Variants in DRAM1 observed in about 807,000 individuals in gnomAD.
The protein encoded by DRAM1 is DNA damage regulated autophagy modulator 1, also known as DNA damage-regulated autophagy modulator protein 1.
Under a neutral mutation model 28.5 loss-of-function variants are expected in DRAM1, and 25 were observed. That is an observed-to-expected ratio of 0.88 (90% CI 0.64 to 1.23). The LOEUF (loss-of-function observed/expected upper bound fraction) is 1.23. Ranked by LOEUF, DRAM1 falls within the 50% of genes most tolerant of loss-of-function variation. The probability of loss-of-function intolerance (pLI) is 0.00; values close to 1 mark genes in which losing one functional copy is unlikely to be tolerated. For synonymous variants in DRAM1, 113 were observed against 114.2 expected (o/e 0.99, Z 0.07); for missense variants, 249 against 299.2 (o/e 0.83, Z 1.24).
At chr12:101,884,014 A>G (rs368360770) in intron 1 of DRAM1, among the ~76,000 whole-genome samples, 59 of 152,242 alleles carry the variant, frequency 3.9e-4, no homozygotes, top group African/African-American at 1.3e-3. Flanking sequence ...AATAGCATAA[A>G]GTGATATTTC....
intron 5 of DRAM1, among the ~76,000 whole-genome samples, chr12:101,915,379 T>G (rs767091603): frequency 2.0e-4 from 31 of 151,988 alleles, no homozygotes; most frequent in Non-Finnish European, 4.3e-4. Context: ...GAGCGTGGAA[T>G]GTTAAGTAGA....
At chr12:101,894,972 A>G (rs1446465761) in intron 1 of DRAM1, among the ~76,000 whole-genome samples, 1 of 152,062 alleles carries the variant, frequency 6.6e-6, no homozygotes, top group South Asian at 2.1e-4. Context: ...CAAGGCAGGG[A>G]GGCCTGATTT....
chr12:101,893,449 AC>A lies in DRAM1; in HGVS notation c.132-4412del, dbSNP rs371161512. Among the ~76,000 whole-genome samples, 130 of 152,340 alleles carry A rather than the reference AC, an allele frequency of 8.5e-4. 1 individual carries two copies. The highest frequency in any genetic ancestry group is 3.0e-3 in the African/African-American group (124 of 41,578). ...CTCCAGAGCTGGCTGTTAAACACTG[AC>A]CAGCATCTATATTAGTGTTTGCTCC... On this transcript the variant is annotated intron_variant, in intron 1 of 6. Coordinates refer to ENST00000258534, the MANE Select transcript of DRAM1 (RefSeq NM_018370.3).
chr12:101,880,689 A>G (rs988166189), intron 1 of DRAM1, among the ~76,000 whole-genome samples: 4 of 152,204 alleles, frequency 2.6e-5, no homozygotes, highest in African/African-American at 4.8e-5. Flanking sequence ...TGTCAAAGGC[A>G]GGTTTTGAAT....
chr12:101,893,907 C>T (rs1873240242), intron 1 of DRAM1, among the ~76,000 whole-genome samples: 1 of 147,472 alleles, frequency 6.8e-6, no homozygotes, highest in Non-Finnish European at 1.5e-5. Context: ...CTTCCCTTCA[C>T]CTGTATGTTT....
chr12:101,921,465 G>A lies in DRAM1; in HGVS notation c.*205G>A, dbSNP rs1874480756. The A allele has an allele frequency of 1.2e-5, 5 of 405,836 alleles. No individual in the cohort carries two copies. The South Asian group carries it at 2.2e-4, about 18-fold the overall frequency. 25.1% of individuals were successfully genotyped at this position (405,836 alleles called of 1,614,324 possible). The stretch of plus-strand genomic sequence containing the variant: ...ATGTACAGCCTTATGACACTGTAGT[G>A]ATGTTTTTATAATTTTCTAAGTAGA... On this transcript the variant is annotated 3_prime_UTR_variant, in exon 7 of 7. Coordinates refer to ENST00000258534, the MANE Select transcript of DRAM1 (RefSeq NM_018370.3).
intron 5 of DRAM1, among the ~76,000 whole-genome samples, chr12:101,917,665 G>A (rs1352494643): frequency 2.7e-5 from 4 of 145,912 alleles, no homozygotes; most frequent in Middle Eastern, 3.3e-3. Context: ...ATGCACTCCA[G>A]CCTGTGCAAC....
At position 101,877,770 on chromosome 12, in the gene DRAM1, T is replaced by TCGG. The variant is rs199915928; in HGVS notation, c.-5_-3dup. 6,583 of 1,477,438 alleles carry TCGG rather than the reference T, an allele frequency of 4.5e-3. 248 individuals are homozygous for TCGG. In the African/African-American group the frequency reaches 0.082, roughly 19 times the overall value. The allele number at this position is 1,477,438 out of a possible 1,614,324, so 91.5% of individuals were successfully genotyped here. A position where few individuals can be genotyped will look rare whatever the true frequency, so the allele number is the denominator to read the frequency against. ...CGGCCCCGCTGGGCGCAGCACTCCG[T>TCGG]CGGCGGCGGCGGCGGCGCGATGCTG... is the stretch of plus-strand genomic sequence containing the variant. On this transcript the variant is annotated 5_prime_UTR_variant, in exon 1 of 7. Transcript: ENST00000258534. This position sits in a 1 kb window ranked among gnomAD's most constrained non-coding sequence, Gnocchi z 4.1.
chr12:101,877,819 C>T lies in DRAM1; in HGVS notation c.30C>T (p.Phe10=), dbSNP rs752030233. The change falls in exon 1 of 7, where the codon TTC becomes TTT. Residue 10 remains phenylalanine (F), a synonymous_variant. Transcript: ENST00000258534. The surrounding 1 kb of genome is among the most constrained non-coding windows in gnomAD (Gnocchi z 4.1). MLCFLRGMA[F]VPFLLVTWSS... is the part of the protein sequence containing the mutation. The stretch of plus-strand genomic sequence containing the variant: ...TGTGCTTCCTGAGGGGAATGGCTTT[C>T]GTCCCCTTCCTCTTGGTGACCTGGT... 5.2e-6 allele frequency: 8 copies of T among 1,545,184 alleles called. No individual in the cohort carries two copies. The highest frequency in any genetic ancestry group is 7.0e-6 in the Non-Finnish European group (8 of 1,144,120).
chr12:101,883,718 AC>A (rs1274735661), intron 1 of DRAM1, among the ~76,000 whole-genome samples: 1 of 151,778 alleles, frequency 6.6e-6, no homozygotes, highest in African/African-American at 2.4e-5. Flanking sequence ...CAGGCGGATC[AC>A]GAGGTCAAGA....
intron 1 of DRAM1, among the ~76,000 whole-genome samples, chr12:101,896,725 C>A (rs1873388282): frequency 6.6e-6 from 1 of 152,050 alleles, no homozygotes; most frequent in South Asian, 2.1e-4. Flanking sequence ...AATTAATATA[C>A]CCTAGATACC....
chr12:101,901,360 C>T lies in DRAM1; in HGVS notation c.269C>T (p.Pro90Leu). Residue 90 changes from proline (P) to leucine (L), a missense_variant, in exon 3 of 7, where the codon CCT (proline) becomes CTT (leucine). Pro to Leu is a moderately conservative substitution (Grantham distance 98, BLOSUM62 -3). Coordinates refer to ENST00000258534, the MANE Select transcript of DRAM1 (RefSeq NM_018370.3). ...AATCAAACCTGCTATTTCAGCACTC[C>T]TGTTTTTAACTTGGTGTCTTTAGTG... ...KQNQTCYFSTPVFNLVSLVLG... is the reference protein window; with the variant it reads ...KQNQTCYFSTLVFNLVSLVLG... 6.2e-7 allele frequency: 1 copy of T among 1,614,140 alleles called. No individual in the cohort carries two copies. Among genetic ancestry groups the T allele is most frequent in the Non-Finnish European group, 8.5e-7 (1 of 1,180,040 alleles).
At position 101,895,186 on chromosome 12, in the gene DRAM1, G is replaced by GTTTTTTTTTTTTTTTTTTTTTTTTTT. The variant is rs574722379; in HGVS notation, c.132-2672_132-2647dup. Among the ~76,000 whole-genome samples, 7 of 75,734 alleles carry GTTTTTTTTTTTTTTTTTTTTTTTTTT rather than the reference G, an allele frequency of 9.2e-5. 2 individuals are homozygous for GTTTTTTTTTTTTTTTTTTTTTTTTTT. The East Asian group carries it at 2.6e-3, about 29-fold the overall frequency. 49.7% of individuals were successfully genotyped at this position (75,734 alleles called of 152,430 possible). A position where few individuals can be genotyped will look rare whatever the true frequency, so the allele number is the denominator to read the frequency against. On this transcript the variant is annotated intron_variant, in intron 1 of 6. Transcript: ENST00000258534. ...TAATGCTAAATTCGAAACCCTTCAG[G>GTTTTTTTTTTTTTTTTTTTTTTTTTT]TTTTTTTTTTTTTTTTTTTTTTTTT...
intron 1 of DRAM1, among the ~76,000 whole-genome samples, chr12:101,886,004 T>A (rs1486800670): frequency 6.6e-6 from 1 of 152,140 alleles, no homozygotes; most frequent in Admixed American, 6.6e-5. Flanking sequence ...ACAAGATAAT[T>A]TGTGTCATAT....
At chr12:101,918,693 T>C (rs1455414745) in intron 5 of DRAM1, among the ~76,000 whole-genome samples, 1 of 152,164 alleles carries the variant, frequency 6.6e-6, no homozygotes, top group Non-Finnish European at 1.5e-5. Flanking sequence ...AGCAGTGGGC[T>C]CAGCCCTCAA....
intron 4 of DRAM1, among the ~76,000 whole-genome samples, chr12:101,913,310 T>G (rs1389914079): frequency 2.0e-5 from 3 of 152,142 alleles, no homozygotes; most frequent in Non-Finnish European, 4.4e-5. Context: ...CCAACAGAAG[T>G]CTGTTTTTTA....
intron 1 of DRAM1, among the ~76,000 whole-genome samples, chr12:101,879,176 T>A (rs2120992592): frequency 6.6e-6 from 1 of 152,186 alleles, no homozygotes; most frequent in East Asian, 1.9e-4. Context: ...TTTTGTATTT[T>A]TAGTAGAGAC....
chr12:101,917,918 C>T (rs1377989397), intron 5 of DRAM1, among the ~76,000 whole-genome samples: 2 of 152,104 alleles, frequency 1.3e-5, no homozygotes, highest in African/African-American at 2.4e-5. Context: ...TTCAGCCACT[C>T]GGGGGAGACC....
chr12:101,883,259 G>T (rs1872750607), intron 1 of DRAM1, among the ~76,000 whole-genome samples: 1 of 150,232 alleles, frequency 6.7e-6, no homozygotes, highest in South Asian at 2.2e-4. Context: ...TTGGCAGATG[G>T]GGAAAAAGGA....
Sources: allele counts gnomAD v4.1 joint callset (sites outside exome capture counted in the v4.1 genomes callset), GRCh38; gene constraint gnomAD v4.1.1; non-coding constraint Gnocchi (gnomAD v3.1); transcripts MANE v1.5; gene names NCBI Gene and HGNC (gene_info 2026-07-23, HGNC 2026-07-21).